YAF2: variants seen among roughly 807,000 people sequenced by gnomAD.
YAF2 encodes the protein YY1 associated factor 2.
A neutral mutation model predicts 20.1 loss-of-function variants in YAF2; 7 were observed. That is an observed-to-expected ratio of 0.35 (90% confidence interval 0.20 to 0.65). The LOEUF is 0.65. Ranked by LOEUF, YAF2 falls within the 30% of genes least tolerant of loss-of-function variation. YAF2 has a pLI of 0.69. For synonymous variants in YAF2, 74 were observed against 76.0 expected (o/e 0.97, Z 0.14); for missense variants, 151 against 219.2 (o/e 0.69, Z 1.96).
At chr12:42,179,195 T>C (rs1258389696) in intron 2 of YAF2, among the ~76,000 whole-genome samples, 1 of 152,172 alleles carries the variant, frequency 6.6e-6, no homozygotes, top group Non-Finnish European at 1.5e-5. Context: ...TGAGGCTGGG[T>C]GCATTGGCTC....
intron 2 of YAF2, among the ~76,000 whole-genome samples, chr12:42,187,598 C>G (rs1347209043): frequency 6.6e-6 from 1 of 152,050 alleles, no homozygotes; most frequent in Non-Finnish European, 1.5e-5. Context: ...TGCCTGAATT[C>G]AAATCCTACT....
chr12:42,173,542 C>T (rs1490441015), intron 2 of YAF2, among the ~76,000 whole-genome samples: 1 of 152,172 alleles, frequency 6.6e-6, no homozygotes, highest in East Asian at 1.9e-4. Flanking sequence ...ATAGGTCACT[C>T]TCAACTTTCC....
chr12:42,214,949 A>G (rs576460035), intron 2 of YAF2, among the ~76,000 whole-genome samples: 2 of 152,234 alleles, frequency 1.3e-5, no homozygotes, highest in South Asian at 4.1e-4. Flanking sequence ...GGTTGCAGTG[A>G]GCTGAGATGG....
intron 2 of YAF2, among the ~76,000 whole-genome samples, chr12:42,223,000 C>T (rs999392023): frequency 2.0e-5 from 3 of 149,846 alleles, no homozygotes; most frequent in African/African-American, 4.9e-5. Context: ...AAAGCTGTGT[C>T]TTTCATTATC....
At chr12:42,208,780 T>C (rs1182117008) in intron 2 of YAF2, among the ~76,000 whole-genome samples, 1 of 152,074 alleles carries the variant, frequency 6.6e-6, no homozygotes, top group Non-Finnish European at 1.5e-5. Flanking sequence ...CTGAAGAAAG[T>C]GAGAAACCAC....
Position 42,235,711 on chromosome 12 carries a change from A to T in YAF2, c.152+1888T>A, listed in dbSNP as rs1179922987. ...ATGCTTCTCTGAGTCCTCCTCAAGT[A>T]ATGTTTCCACCACTAAAAATTGGAT... On this transcript the variant is annotated intron_variant, in intron 2 of 3. Transcript: ENST00000534854. 2.0e-6 allele frequency: 3 copies of T among 1,533,454 alleles called. No individual in the cohort carries two copies. The Admixed American group carries it at 5.9e-5, about 30-fold the overall frequency. The allele number at this position is 1,533,454 out of a possible 1,614,324, so 95.0% of individuals were successfully genotyped here.
At chr12:42,210,417 T>C in intron 2 of YAF2, 1 of 1,533,592 alleles carries the variant, frequency 6.5e-7, no homozygotes, top group South Asian at 1.2e-5. Flanking sequence ...TGCCCTTCTG[T>C]TCAGCATGAG....
intron 2 of YAF2, among the ~76,000 whole-genome samples, chr12:42,225,514 C>T (rs2067663600): frequency 6.6e-6 from 1 of 152,110 alleles, no homozygotes; most frequent in South Asian, 2.1e-4. Context: ...GGTTTTAGGT[C>T]TTATGTTAAA....
At chr12:42,227,188 C>T (rs1288944545) in intron 2 of YAF2, among the ~76,000 whole-genome samples, 1 of 142,672 alleles carries the variant, frequency 7.0e-6, no homozygotes, top group Non-Finnish European at 1.5e-5. Flanking sequence ...CCCCACGGGG[C>T]CCGAGGGCAA....
chr12:42,200,426 T>G (rs2066868860), intron 2 of YAF2, among the ~76,000 whole-genome samples: 1 of 152,216 alleles, frequency 6.6e-6, no homozygotes, highest in South Asian at 2.1e-4. Flanking sequence ...GCTTATCTGC[T>G]GCTCCACTAC....
chr12:42,160,728 T>A lies in YAF2; in HGVS notation c.404A>T (p.Lys135Met), dbSNP rs2065781245. Reference sequence around the variant, plus strand: ...AGCAGCACTAGATGCAGGCGGTGACTTTGTTTTCTCCTTAAAGTCTGTAAT... The same window carrying A: ...AGCAGCACTAGATGCAGGCGGTGACATTGTTTTCTCCTTAAAGTCTGTAAT... The part of the protein sequence containing the change: ...VIITDFKEKT[K>M]SPPASSAASA... The change falls in exon 4 of 4, where the codon AAG becomes ATG. Residue 135 changes from lysine to methionine, a missense_variant. By Grantham distance (95) the Lys-to-Met change is moderately conservative. Transcript: ENST00000534854. 6.2e-7 allele frequency: 1 copy of A among 1,613,606 alleles called. No homozygotes were observed. Among genetic ancestry groups the A allele is most frequent in the African/African-American group, 1.3e-5 (1 of 74,906 alleles).
intron 2 of YAF2, among the ~76,000 whole-genome samples, chr12:42,190,884 TTAA>T (rs2066595219): frequency 6.6e-6 from 1 of 152,096 alleles, no homozygotes; most frequent in South Asian, 2.1e-4. Flanking sequence ...GAGTATGTGG[TTAA>T]TAATATTTCT....
intron 2 of YAF2, among the ~76,000 whole-genome samples, chr12:42,219,963 T>C (rs1184152676): frequency 6.6e-6 from 1 of 152,104 alleles, no homozygotes; most frequent in Non-Finnish European, 1.5e-5. Context: ...CAAAGTTCCC[T>C]GGTAAAATAA....
At chr12:42,206,358 C>T (rs1025855710) in intron 2 of YAF2, among the ~76,000 whole-genome samples, 2 of 150,516 alleles carry the variant, frequency 1.3e-5, no homozygotes, top group African/African-American at 4.9e-5. Context: ...CCTGTAATCC[C>T]AGCACCTTGG....
At chr12:42,219,834 T>G (rs1339801897) in intron 2 of YAF2, among the ~76,000 whole-genome samples, 2 of 152,178 alleles carry the variant, frequency 1.3e-5, no homozygotes, top group Admixed American at 6.5e-5. Context: ...AGGCCTGAGA[T>G]TGTACATTTC....
chr12:42,201,253 T>C (rs774039824), intron 2 of YAF2, among the ~76,000 whole-genome samples: 5 of 152,240 alleles, frequency 3.3e-5, no homozygotes, highest in Non-Finnish European at 7.3e-5. Context: ...AGTAATCAAC[T>C]GCTAGATAAC....
rs567222448 is a variant in YAF2, at chr12:42,225,852, G to C, written c.152+11747C>G. 3.3e-5 allele frequency among the ~76,000 whole-genome samples: 5 copies of C among 152,172 alleles called. No homozygotes were observed. The South Asian group carries it at 1.0e-3, about 32-fold the overall frequency. On this transcript the variant is annotated intron_variant, in intron 2 of 3. Coordinates refer to ENST00000534854, the MANE Select transcript of YAF2 (RefSeq NM_005748.6). ...GTTCTTTTTCCTTAGGACTGTTTTG[G>C]GTATACAGGCTCTTTTTTGGTTCCA...
chr12:42,231,160 G>A (rs2067972773), intron 2 of YAF2: 1 of 151,586 alleles, frequency 6.6e-6, no homozygotes, highest in African/African-American at 2.4e-5. Context: ...TACTATATTA[G>A]AAATAAAAAC....
chr12:42,211,878 G>A lies in YAF2; in HGVS notation c.152+25721C>T, dbSNP rs144650870. On this transcript the variant is annotated intron_variant, in intron 2 of 3. Transcript: ENST00000534854. ...AGCCTCACTAACATAGTGAAACCCC[G>A]TCTCTACTAAAAATACAAAAATTAG... Among the ~76,000 whole-genome samples, 1,175 of 151,472 alleles carry A rather than the reference G, an allele frequency of 7.8e-3. 37 individuals are homozygous for A. In the East Asian group the frequency reaches 0.085, roughly 11 times the overall value.
Sources: allele counts gnomAD v4.1 joint callset (sites outside exome capture counted in the v4.1 genomes callset), GRCh38; gene constraint gnomAD v4.1.1; transcripts MANE v1.5; gene names NCBI Gene and HGNC (gene_info 2026-07-23, HGNC 2026-07-21).